FRAS1: variants seen among roughly 807,000 people sequenced by gnomAD.
FRAS1 encodes the protein Fraser extracellular matrix complex subunit 1, also known as extracellular matrix organizing protein FRAS1.
Under a neutral mutation model 435.2 loss-of-function variants are expected in FRAS1, and 290 were observed. That is an observed-to-expected ratio of 0.67 (90% confidence interval 0.61 to 0.73). The LOEUF is 0.73. FRAS1 is among the 30% of genes least tolerant of loss of function. The pLI is 0.00. For missense variants in FRAS1, 4,860 were observed against 5,001.5 expected (o/e 0.97, Z 0.85); for synonymous variants, 1,800 against 1,851.0 (o/e 0.97, Z 0.71).
rs563736991 is a variant in FRAS1 at position 78,182,062 on chromosome 4, G to T, written c.109-55448G>T. The T allele has an allele frequency of 4.4e-5, 67 of 1,507,262 alleles. 1 individual carries two copies. In the East Asian group the frequency reaches 1.5e-3, roughly 33 times the overall value. 93.4% of individuals were successfully genotyped at this position (1,507,262 alleles called of 1,614,324 possible). The stretch of plus-strand genomic sequence containing the variant: ...GCCCAGGCATGATGGTGGCTCGGCG[G>T]CGGGTTCCTCTACGGATTGCAGCGG... On this transcript the variant is annotated intron_variant, in intron 2 of 73. Coordinates refer to ENST00000512123, the MANE Select transcript of FRAS1 (RefSeq NM_025074.7).
intron 14 of FRAS1, 129 bp from the exon 15 acceptor site, chr4:78,307,937 G>A: frequency 4.6e-6 from 4 of 873,848 alleles, no homozygotes; most frequent in African/African-American, 1.7e-5. Flanking sequence ...GTGTACATGT[G>A]TCAATAGCAG....
chr4:78,116,439 T>G (rs6838483), intron 2 of FRAS1, among the ~76,000 whole-genome samples: 25,539 of 152,076 alleles, frequency 0.17, 2,327 homozygotes, highest in Admixed American at 0.21. Context: ...GTGTTAAAGT[T>G]TCCCATTATT....
intron 2 of FRAS1, among the ~76,000 whole-genome samples, chr4:78,176,373 C>T (rs1174652023): frequency 6.6e-6 from 1 of 152,112 alleles, no homozygotes. Flanking sequence ...TATGAGGACT[C>T]GCAATTCCAC....
intron 2 of FRAS1, among the ~76,000 whole-genome samples, chr4:78,219,415 C>A (rs1367653238): frequency 2.0e-5 from 3 of 151,970 alleles, no homozygotes; most frequent in Non-Finnish European, 2.9e-5. Flanking sequence ...GGAAGTAGAA[C>A]CACAAATAAT....
In FRAS1 at chr4:78,057,326, TC is replaced by T. The variant is rs1472634998; in HGVS notation, c.-682del. On this transcript the variant is annotated 5_prime_UTR_variant, in exon 1 of 74. Transcript: ENST00000512123. The surrounding 1 kb of genome is among the most constrained non-coding windows in gnomAD (Gnocchi z 4.2). Reference sequence around the variant, plus strand: ...AGTAGCAGCAGCGCCCCCCAGTCTTTCCTCTGAAGCTTCCGAACAGTCTGCT... The same window carrying T: ...AGTAGCAGCAGCGCCCCCCAGTCTTTCTCTGAAGCTTCCGAACAGTCTGCT... Among the ~76,000 whole-genome samples the T allele has an allele frequency of 6.6e-5, 10 of 152,202 alleles. No individual in the cohort carries two copies. In the South Asian group the frequency reaches 2.1e-3, roughly 32 times the overall value.
chr4:78,302,070 G>C (rs962155436), intron 14 of FRAS1, among the ~76,000 whole-genome samples: 1 of 147,334 alleles, frequency 6.8e-6, no homozygotes, highest in Non-Finnish European at 1.5e-5. Flanking sequence ...TGTTCTCATT[G>C]TTCAATTCCC....
intron 2 of FRAS1, among the ~76,000 whole-genome samples, chr4:78,092,463 G>A (rs1741582791): frequency 6.6e-6 from 1 of 152,328 alleles, no homozygotes; most frequent in African/African-American, 2.4e-5. Flanking sequence ...GGCAAAGAGA[G>A]CTTGTGCAGA....
chr4:78,203,742 A>G (rs1038167936), intron 2 of FRAS1, among the ~76,000 whole-genome samples: 6 of 151,812 alleles, frequency 4.0e-5, no homozygotes. Flanking sequence ...AATTTTTCAT[A>G]TTTTTAGTAG....
intron 41 of FRAS1, among the ~76,000 whole-genome samples, chr4:78,444,393 A>C (rs1276152893): frequency 6.6e-6 from 1 of 152,306 alleles, no homozygotes; most frequent in East Asian, 1.9e-4. Context: ...TGAAGAAAAA[A>C]AAATGGTGTT....
At position 78,540,541 on chromosome 4, in the gene FRAS1, G is replaced by A; in HGVS notation, c.11456G>A (p.Gly3819Glu). Residue 3819 changes from glycine (G) to glutamate (E), a missense_variant, in exon 74 of 74, where the codon GGA becomes GAA. Coordinates refer to ENST00000512123, the MANE Select transcript of FRAS1 (RefSeq NM_025074.7). ...TTTGTCCCCCTGCAGGTGGAAGCAG[G>A]ACACCAGTGGTATCTCCAGGTCATC... Reference protein sequence around the residue: ...KVDALYKVEAGHQWYLQVIYI... With the variant: ...KVDALYKVEAEHQWYLQVIYI... 6.7e-7 allele frequency: 1 copy of A among 1,493,086 alleles called. No individual in the cohort carries two copies. The highest frequency in any genetic ancestry group is 8.9e-7 in the Non-Finnish European group (1 of 1,120,638). The allele number at this position is 1,493,086 out of a possible 1,614,324, so 92.5% of individuals were successfully genotyped here.
At chr4:78,453,990 G>A (rs2109837522) in intron 47 of FRAS1, among the ~76,000 whole-genome samples, 1 of 152,168 alleles carries the variant, frequency 6.6e-6, no homozygotes, top group South Asian at 2.1e-4. Flanking sequence ...CTAATGCAAG[G>A]ATTCCAACAA....
intron 6 of FRAS1, among the ~76,000 whole-genome samples, chr4:78,262,863 A>G (rs980689641): frequency 1.3e-5 from 2 of 151,574 alleles, no homozygotes; most frequent in Admixed American, 6.6e-5. Flanking sequence ...TTCCATAAAG[A>G]ACCAGATAAC....
intron 20 of FRAS1, among the ~76,000 whole-genome samples, chr4:78,357,578 G>T (rs1730904633): frequency 6.6e-6 from 1 of 152,028 alleles, no homozygotes; most frequent in South Asian, 2.1e-4. Context: ...TTGGTGGGGG[G>T]CCTGGGTCTG....
At chr4:78,188,330 CTATA>C (rs1560570789) in intron 2 of FRAS1, among the ~76,000 whole-genome samples, 75 of 146,790 alleles carry the variant, frequency 5.1e-4, no homozygotes, top group African/African-American at 1.7e-3. Flanking sequence ...ATCTATCTAT[CTATA>C]TTTAGGTTGG....
intron 61 of FRAS1, among the ~76,000 whole-genome samples, chr4:78,502,533 T>C (rs1720716706): frequency 6.6e-6 from 1 of 152,112 alleles, no homozygotes; most frequent in African/African-American, 2.4e-5. Context: ...TATAGTTGTA[T>C]AGGAATGCTT....
intron 15 of FRAS1, 106 bp downstream of exon 15, chr4:78,308,315 T>C: frequency 4.6e-6 from 5 of 1,094,388 alleles, no homozygotes; most frequent in Non-Finnish European, 5.2e-6. Context: ...TTACTCAACA[T>C]ATATGTGAAT....
rs548544824 is a variant in FRAS1, at chr4:78,522,472, T to A, written c.10649-177T>A. ...TCACAAGTAGGACGATGGGCTAGGGTGAGATGCCATTCTATCCAGTGTGGA... is the reference window on the plus strand; with the variant it reads ...TCACAAGTAGGACGATGGGCTAGGGAGAGATGCCATTCTATCCAGTGTGGA... On this transcript the variant is annotated intron_variant, in intron 68 of 73. Coordinates refer to ENST00000512123, the MANE Select transcript of FRAS1 (RefSeq NM_025074.7). 2.6e-5 allele frequency among the ~76,000 whole-genome samples: 4 copies of A among 152,018 alleles called. No individual in the cohort carries two copies. The South Asian group carries it at 8.3e-4, about 31-fold the overall frequency.
At chr4:78,385,602 C>G (rs1408186339) in intron 28 of FRAS1, among the ~76,000 whole-genome samples, 1 of 152,104 alleles carries the variant, frequency 6.6e-6, no homozygotes, top group Non-Finnish European at 1.5e-5. Flanking sequence ...AAAACTAAAA[C>G]AGGCTGGGCT....
intron 2 of FRAS1, among the ~76,000 whole-genome samples, chr4:78,217,568 C>T (rs1217312165): frequency 2.6e-5 from 4 of 151,952 alleles, no homozygotes; most frequent in African/African-American, 7.3e-5. Flanking sequence ...AGATTGCTTT[C>T]CTCATCTCCC....
Sources: gnomAD v4.1 joint callset for allele counts (sites outside exome capture counted in the v4.1 genomes callset) on GRCh38, gnomAD v4.1.1 for gene constraint, Gnocchi (gnomAD v3.1) non-coding constraint, MANE v1.5 for transcripts, NCBI Gene and HGNC (gene_info 2026-07-23, HGNC 2026-07-21) for gene names.